Variants in SNTG1 observed in about 807,000 individuals in gnomAD.
The protein encoded by SNTG1 is syntrophin gamma 1, also known as gamma-1-syntrophin.
Under a neutral mutation model 74.7 loss-of-function variants are expected in SNTG1, and 39 were observed. The observed-to-expected ratio is 0.52, with a 90% CI of 0.40 to 0.68. SNTG1 has a LOEUF of 0.68. Ranked by LOEUF, SNTG1 falls within the 30% of genes least tolerant of loss-of-function variation. The pLI is 0.00. For missense variants in SNTG1, 685 were observed against 609.5 expected (o/e 1.12, Z -1.30); for synonymous variants, 254 against 217.1 (o/e 1.17, Z -1.49).
chr8:49,919,156 C>T (rs981991371), intron 1 of SNTG1, among the ~76,000 whole-genome samples: 3 of 152,060 alleles, frequency 2.0e-5, no homozygotes, highest in Admixed American at 6.6e-5. Flanking sequence ...CTCTGTCTTA[C>T]TCACCTCCTT....
chr8:49,926,462 T>C (rs1336372187), intron 1 of SNTG1, among the ~76,000 whole-genome samples: 1 of 152,130 alleles, frequency 6.6e-6, no homozygotes, highest in Admixed American at 6.5e-5. Context: ...ATCAATACAA[T>C]TTAATTAAAC....
chr8:50,122,374 G>A lies in SNTG1; in HGVS notation c.-102-50187G>A, dbSNP rs1487354115. ...TGGGAGAAGTAGTGAAAGTGAGGGA[G>A]TGAGGTCCCTTTCAGGAGTTACAGT... On this transcript the variant is annotated intron_variant, in intron 1 of 18. Coordinates refer to ENST00000642720, the MANE Select transcript of SNTG1 (RefSeq NM_018967.5). 1.4e-5 allele frequency among the ~76,000 whole-genome samples: 2 copies of A among 141,462 alleles called. 1 individual carries two copies. The highest frequency in any genetic ancestry group is 4.0e-4 in the East Asian group (2 of 4,950). 92.8% of individuals were successfully genotyped at this position (141,462 alleles called of 152,430 possible).
chr8:50,512,420 C>T (rs1161007466), intron 9 of SNTG1, among the ~76,000 whole-genome samples: 1 of 152,064 alleles, frequency 6.6e-6, no homozygotes, highest in Admixed American at 6.6e-5. Flanking sequence ...CGAGGAGTAT[C>T]TTTGTGGTGT....
chr8:50,071,832 A>G (rs1177104316), intron 1 of SNTG1, among the ~76,000 whole-genome samples: 1 of 149,992 alleles, frequency 6.7e-6, no homozygotes, highest in East Asian at 1.9e-4. Context: ...AAAAAAACCT[A>G]AGATTAATTA....
chr8:49,943,037 C>G (rs1032708514), intron 1 of SNTG1, among the ~76,000 whole-genome samples: 2 of 152,228 alleles, frequency 1.3e-5, no homozygotes. Flanking sequence ...CAAATCTAAT[C>G]ATTCATTGTA....
intron 2 of SNTG1, among the ~76,000 whole-genome samples, chr8:50,299,729 A>G (rs1346272626): frequency 6.6e-6 from 1 of 152,090 alleles, no homozygotes; most frequent in Non-Finnish European, 1.5e-5. Flanking sequence ...TGTCTGTACC[A>G]TATTTATTTT....
rs143898153 is a variant in SNTG1, at chr8:50,069,359, C to T, written c.-102-103202C>T. ...ATCAAGGCTTTTCTATTCTAGAATG[C>T]TGGTTGATAAATAATAGCCTCAACA... On this transcript the variant is annotated intron_variant, in intron 1 of 18. Coordinates refer to ENST00000642720, the MANE Select transcript of SNTG1 (RefSeq NM_018967.5). 1.7e-4 allele frequency among the ~76,000 whole-genome samples: 26 copies of T among 152,150 alleles called. No individual in the cohort carries two copies. In the East Asian group the frequency reaches 4.6e-3, roughly 27 times the overall value.
intron 2 of SNTG1, among the ~76,000 whole-genome samples, chr8:50,354,988 A>G (rs2091777765): frequency 1.3e-5 from 2 of 152,186 alleles, no homozygotes; most frequent in Admixed American, 1.3e-4. Context: ...GTTAGATTTG[A>G]GATGCACGTG....
intron 2 of SNTG1, among the ~76,000 whole-genome samples, chr8:50,245,641 C>G (rs2086364983): frequency 1.3e-5 from 2 of 151,984 alleles, no homozygotes; most frequent in African/African-American, 4.8e-5. Context: ...CGAGATTGCA[C>G]CACTGCACTT....
intron 1 of SNTG1, among the ~76,000 whole-genome samples, chr8:50,040,573 A>G (rs1277479484): frequency 6.6e-6 from 1 of 152,214 alleles, no homozygotes; most frequent in Non-Finnish European, 1.5e-5. Flanking sequence ...TAAATTCACA[A>G]GTAAGATATT....
intron 1 of SNTG1, among the ~76,000 whole-genome samples, chr8:50,101,956 CATT>C (rs1458862618): frequency 1.3e-5 from 2 of 151,914 alleles, no homozygotes; most frequent in East Asian, 3.9e-4. Context: ...TCCAGTCTAT[CATT>C]GTTGGATATT....
intron 1 of SNTG1, among the ~76,000 whole-genome samples, chr8:50,022,868 T>G (rs1816946194): frequency 6.6e-6 from 1 of 152,184 alleles, no homozygotes; most frequent in Admixed American, 6.5e-5. Flanking sequence ...CATGTTGGTT[T>G]GGGGCAAAGA....
chr8:50,278,226 A>G (rs1173411430), intron 2 of SNTG1, among the ~76,000 whole-genome samples: 1 of 152,094 alleles, frequency 6.6e-6, no homozygotes, highest in Non-Finnish European at 1.5e-5. Context: ...TAATTCCATG[A>G]ATTTTTCTTT....
intron 12 of SNTG1, among the ~76,000 whole-genome samples, chr8:50,555,479 A>G (rs750839083): frequency 1.3e-5 from 2 of 152,224 alleles, no homozygotes; most frequent in Non-Finnish European, 2.9e-5. Flanking sequence ...TAAAGAAAGA[A>G]ATTAGGCAGA....
intron 2 of SNTG1, among the ~76,000 whole-genome samples, chr8:50,182,423 A>T (rs945560575): frequency 6.6e-6 from 1 of 152,174 alleles, no homozygotes; most frequent in African/African-American, 2.4e-5. Flanking sequence ...ATTGCAGGGT[A>T]TAAACACTAT....
intron 17 of SNTG1, among the ~76,000 whole-genome samples, chr8:50,739,800 G>A (rs2095538550): frequency 6.6e-6 from 1 of 151,900 alleles, no homozygotes; most frequent in Admixed American, 6.6e-5. Context: ...GGAACAGAAT[G>A]GGGAACCCAG....
At chr8:50,128,828 TA>T (rs2131389492) in intron 1 of SNTG1, among the ~76,000 whole-genome samples, 1 of 152,286 alleles carries the variant, frequency 6.6e-6, no homozygotes, top group Admixed American at 6.5e-5. Context: ...CCCCATTATT[TA>T]AATAACACAC....
At chr8:49,960,409 T>A (rs1810571110) in intron 1 of SNTG1, among the ~76,000 whole-genome samples, 1 of 152,198 alleles carries the variant, frequency 6.6e-6, no homozygotes, top group Non-Finnish European at 1.5e-5. Context: ...TTAAATTGTA[T>A]GTTTTTGGGC....
chr8:50,198,194 A>C (rs1218256585), intron 2 of SNTG1, among the ~76,000 whole-genome samples: 2 of 152,144 alleles, frequency 1.3e-5, no homozygotes, highest in African/African-American at 2.4e-5. Context: ...CTTTAGACTC[A>C]GAAAAAAACA....
Sources: gnomAD v4.1 joint callset for allele counts (sites outside exome capture counted in the v4.1 genomes callset) on GRCh38, gnomAD v4.1.1 for gene constraint, MANE v1.5 for transcripts, NCBI Gene and HGNC (gene_info 2026-07-23, HGNC 2026-07-21) for gene names.